PTPRD: variants seen among roughly 807,000 people sequenced by gnomAD.
PTPRD encodes receptor-type tyrosine-protein phosphatase delta.
Under a neutral mutation model 214.5 loss-of-function variants are expected in PTPRD, and 34 were observed. The ratio of observed to expected loss-of-function variants is 0.16; its 90% CI spans 0.12 to 0.21. PTPRD has a LOEUF of 0.21. Ranked by LOEUF, PTPRD falls within the 10% of genes least tolerant of loss-of-function variation. PTPRD has a pLI of 1.00. For missense variants in PTPRD, 2,545 were observed against 2,398.7 expected (o/e 1.06, Z -1.27); for synonymous variants, 1,128 against 845.7 (o/e 1.33, Z -5.79).
chr9:8,562,877 G>A (rs1421663526), intron 14 of PTPRD, among the ~76,000 whole-genome samples: 1 of 149,842 alleles, frequency 6.7e-6, no homozygotes, highest in African/African-American at 2.5e-5. Context: ...AGGTTTTATG[G>A]TATTATGATT....
chr9:9,663,334 A>G (rs1436482081), intron 7 of PTPRD, among the ~76,000 whole-genome samples: 2 of 151,622 alleles, frequency 1.3e-5, no homozygotes, highest in South Asian at 2.1e-4. Context: ...ATATGAAATC[A>G]CTAGTTATAT....
chr9:10,025,410 T>C (rs1026778414), intron 4 of PTPRD, among the ~76,000 whole-genome samples: 2 of 152,228 alleles, frequency 1.3e-5, no homozygotes, highest in African/African-American at 4.8e-5. Flanking sequence ...AGAAATTTTA[T>C]GATTCTTAAG....
At chr9:9,051,395 T>C (rs1590594475) in intron 10 of PTPRD, among the ~76,000 whole-genome samples, 1 of 152,194 alleles carries the variant, frequency 6.6e-6, no homozygotes, top group Non-Finnish European at 1.5e-5. Flanking sequence ...AACCTATTTA[T>C]TCAGGTGAAA....
At chr9:9,126,558 C>T (rs774235023) in intron 10 of PTPRD, among the ~76,000 whole-genome samples, 2 of 152,136 alleles carry the variant, frequency 1.3e-5, no homozygotes, top group African/African-American at 4.8e-5. Flanking sequence ...AGATTCAAAA[C>T]ATTTCAAATA....
At chr9:10,425,558 CATA>C (rs530463016) in intron 2 of PTPRD, among the ~76,000 whole-genome samples, 22 of 152,046 alleles carry the variant, frequency 1.4e-4, no homozygotes, top group African/African-American at 5.3e-4. Context: ...CATAAGAGTC[CATA>C]ATATCATGCT....
chr9:10,319,408 G>A lies in PTPRD; in HGVS notation c.-545+21555C>T, dbSNP rs552766869. ...ATCTGAAATTCAAAATATGTGCAAG[G>A]CATTATCTACTATATGGATGACAGC... On this transcript the variant is annotated intron_variant, in intron 3 of 45. Coordinates refer to ENST00000381196, the MANE Select transcript of PTPRD (RefSeq NM_002839.4). Among the ~76,000 whole-genome samples, 29 of 152,158 alleles carry A rather than the reference G, an allele frequency of 1.9e-4. No homozygotes were observed. The South Asian group carries it at 3.3e-3, about 17-fold the overall frequency.
At chr9:8,667,317 C>T (rs2097190521) in intron 12 of PTPRD, among the ~76,000 whole-genome samples, 1 of 152,120 alleles carries the variant, frequency 6.6e-6, no homozygotes, top group South Asian at 2.1e-4. Context: ...CCAGCCTGGG[C>T]AACAAGAGCA....
intron 10 of PTPRD, among the ~76,000 whole-genome samples, chr9:9,111,061 T>C (rs1012815186): frequency 6.6e-6 from 1 of 152,146 alleles, no homozygotes; most frequent in East Asian, 1.9e-4. Context: ...GAGCTGACAG[T>C]CCAACAGGGA....
intron 5 of PTPRD, among the ~76,000 whole-genome samples, chr9:9,851,543 T>G (rs1398585084): frequency 1.3e-5 from 2 of 152,370 alleles, no homozygotes. Flanking sequence ...TTGAATTACA[T>G]TATTTACAAA....
At chr9:8,709,041 A>C (rs1168194000) in intron 12 of PTPRD, among the ~76,000 whole-genome samples, 1 of 152,144 alleles carries the variant, frequency 6.6e-6, no homozygotes, top group African/African-American at 2.4e-5. Flanking sequence ...ATGGGATCTG[A>C]AAAACTGATT....
intron 2 of PTPRD, among the ~76,000 whole-genome samples, chr9:10,406,401 A>G (rs966574881): frequency 6.6e-6 from 1 of 151,598 alleles, no homozygotes; most frequent in Non-Finnish European, 1.5e-5. Context: ...GTAAGAATGT[A>G]TGTCATGTCT....
At chr9:9,013,375 G>A (rs1180767661) in intron 11 of PTPRD, among the ~76,000 whole-genome samples, 1 of 152,076 alleles carries the variant, frequency 6.6e-6, no homozygotes, top group Non-Finnish European at 1.5e-5. Flanking sequence ...ATTGATCATT[G>A]ATGATAGCAA....
At chr9:9,741,964 T>A (rs753215614) in intron 6 of PTPRD, among the ~76,000 whole-genome samples, 1 of 152,224 alleles carries the variant, frequency 6.6e-6, no homozygotes. Flanking sequence ...CCTTTGGGTA[T>A]ATACCTAGTA....
At chr9:9,660,989 G>A (rs1302155093) in intron 7 of PTPRD, among the ~76,000 whole-genome samples, 1 of 151,856 alleles carries the variant, frequency 6.6e-6, no homozygotes, top group African/African-American at 2.4e-5. Flanking sequence ...TGGAAATAAC[G>A]CTTTATTCAG....
intron 37 of PTPRD, among the ~76,000 whole-genome samples, chr9:8,378,188 G>A (rs1046860654): frequency 1.3e-5 from 2 of 152,032 alleles, no homozygotes; most frequent in Non-Finnish European, 2.9e-5. Context: ...GTGTTTCCTA[G>A]TTGTACAAAA....
chr9:8,471,934 G>A (rs1456579353), intron 30 of PTPRD, among the ~76,000 whole-genome samples: 1 of 152,060 alleles, frequency 6.6e-6, no homozygotes, highest in Admixed American at 6.6e-5. Context: ...AACTATACAA[G>A]GACTTTGAAC....
chr9:9,834,661 A>G (rs1470509752), intron 5 of PTPRD, among the ~76,000 whole-genome samples: 1 of 152,062 alleles, frequency 6.6e-6, no homozygotes, highest in Non-Finnish European at 1.5e-5. Flanking sequence ...TCTTATTCAA[A>G]CAGTTAATAA....
chr9:9,948,705 T>G (rs1348691699), intron 4 of PTPRD, among the ~76,000 whole-genome samples: 1 of 152,048 alleles, frequency 6.6e-6, no homozygotes, highest in Non-Finnish European at 1.5e-5. Context: ...TGTAATCCAA[T>G]GGCAGTAATT....
intron 14 of PTPRD, among the ~76,000 whole-genome samples, chr9:8,562,673 G>C (rs1045976870): frequency 2.0e-5 from 3 of 152,202 alleles, no homozygotes; most frequent in Admixed American, 1.3e-4. Context: ...CTGAGCTCAA[G>C]TGATCCACCC....
Sources: gnomAD v4.1 joint callset for allele counts (sites outside exome capture counted in the v4.1 genomes callset) on GRCh38, gnomAD v4.1.1 for gene constraint, MANE v1.5 for transcripts, NCBI Gene and HGNC (gene_info 2026-07-23, HGNC 2026-07-21) for gene names.